Variants in ZFHX3 observed in about 807,000 individuals in gnomAD.
ZFHX3 encodes zinc finger homeobox protein 3.
A neutral mutation model predicts 279.1 loss-of-function variants in ZFHX3; 42 were observed. That is an observed-to-expected ratio of 0.15 (90% CI 0.12 to 0.19). ZFHX3 has a LOEUF of 0.19. ZFHX3 is among the 10% of genes least tolerant of loss of function. The probability of loss-of-function intolerance (pLI) is 1.00; values close to 1 mark genes in which losing one functional copy is unlikely to be tolerated. For synonymous variants in ZFHX3, 2,293 were observed against 1,957.8 expected (o/e 1.17, Z -4.52); for missense variants, 4,981 against 4,754.0 (o/e 1.05, Z -1.40).
intron 4 of ZFHX3, among the ~76,000 whole-genome samples, chr16:72,831,274 A>G (rs912439115): frequency 6.6e-6 from 1 of 152,212 alleles, no homozygotes; most frequent in East Asian, 1.9e-4. Context: ...ATGGAGGTCC[A>G]AGGTCTGGAA....
At chr16:72,898,630 C>T (rs1260926005) in intron 3 of ZFHX3, among the ~76,000 whole-genome samples, 2 of 151,926 alleles carry the variant, frequency 1.3e-5, no homozygotes, top group African/African-American at 4.8e-5. Context: ...ACAGATTTCA[C>T]TTCCCTCTGC....
intron 3 of ZFHX3, among the ~76,000 whole-genome samples, chr16:73,363,344 G>A (rs1272112546): frequency 6.6e-6 from 1 of 152,206 alleles, no homozygotes; most frequent in South Asian, 2.1e-4. Flanking sequence ...TAACTGTTAC[G>A]TATTTTAAAA....
intron 3 of ZFHX3, among the ~76,000 whole-genome samples, chr16:73,345,743 T>C (rs2016111964): frequency 6.6e-6 from 1 of 152,188 alleles, no homozygotes; most frequent in African/African-American, 2.4e-5. Flanking sequence ...TATATTCCTT[T>C]GGGTATATAC....
chr16:72,885,511 G>T (rs2038602118), intron 4 of ZFHX3, among the ~76,000 whole-genome samples: 1 of 152,228 alleles, frequency 6.6e-6, no homozygotes, highest in Non-Finnish European at 1.5e-5. Flanking sequence ...TGGCAAACAA[G>T]TGACTTAAGT....
chr16:73,163,484 G>A (rs917057823), intron 5 of ZFHX3, among the ~76,000 whole-genome samples: 2 of 152,180 alleles, frequency 1.3e-5, no homozygotes, highest in Admixed American at 1.3e-4. Flanking sequence ...TATTCTCTAT[G>A]ATGCTTCTGT....
intron 4 of ZFHX3, among the ~76,000 whole-genome samples, chr16:73,280,911 G>A (rs1268225885): frequency 6.6e-6 from 1 of 151,790 alleles, no homozygotes; most frequent in Non-Finnish European, 1.5e-5. Context: ...TTTGAACCTG[G>A]GAGGTAGAGG....
intron 3 of ZFHX3, among the ~76,000 whole-genome samples, chr16:72,943,597 A>T (rs764044717): frequency 2.0e-5 from 3 of 152,242 alleles, no homozygotes; most frequent in Non-Finnish European, 4.4e-5. Context: ...ACATTAGAAC[A>T]ATGAAAAGGG....
At chr16:72,813,935 G>A (rs142947440) in intron 5 of ZFHX3, among the ~76,000 whole-genome samples, 1 of 152,228 alleles carries the variant, frequency 6.6e-6, no homozygotes, top group Non-Finnish European at 1.5e-5. Context: ...TACATTTGGA[G>A]TCCTTAATTA....
intron 5 of ZFHX3, among the ~76,000 whole-genome samples, chr16:73,157,997 T>A (rs1967135847): frequency 6.6e-6 from 1 of 151,722 alleles, no homozygotes; most frequent in Non-Finnish European, 1.5e-5. Flanking sequence ...ATGGAAACCA[T>A]GTTTGGATCC....
intron 5 of ZFHX3, among the ~76,000 whole-genome samples, chr16:73,238,517 G>A (rs969587739): frequency 2.6e-5 from 4 of 151,268 alleles, no homozygotes; most frequent in Non-Finnish European, 5.9e-5. Context: ...TATTCCTATC[G>A]CTCTTCTCTT....
chr16:73,279,949 G>C (rs1311727540), intron 4 of ZFHX3, among the ~76,000 whole-genome samples: 1 of 152,182 alleles, frequency 6.6e-6, no homozygotes, highest in Non-Finnish European at 1.5e-5. Flanking sequence ...AGAATAGAGA[G>C]CCCAGAAATA....
chr16:73,094,062 C>T (rs886174502), intron 7 of ZFHX3, among the ~76,000 whole-genome samples: 2 of 151,846 alleles, frequency 1.3e-5, no homozygotes, highest in East Asian at 1.9e-4. Context: ...TGAGTGTGGA[C>T]CCCCCCAACC....
intron 1 of ZFHX3, among the ~76,000 whole-genome samples, chr16:73,039,118 A>T (rs560012569): frequency 0.079 from 6,016 of 76,630 alleles, 404 homozygotes; most frequent in African/African-American, 0.2. Flanking sequence ...CTAGCTAATT[A>T]AAAAAAAAAA....
At chr16:73,837,994 T>C (rs1961189227) in intron 1 of ZFHX3, among the ~76,000 whole-genome samples, 1 of 152,222 alleles carries the variant, frequency 6.6e-6, no homozygotes, top group Admixed American at 6.5e-5. Flanking sequence ...GGATAGAAGA[T>C]TGTCCATAAA....
chr16:72,972,823 C>T (rs1962165917), intron 1 of ZFHX3, among the ~76,000 whole-genome samples: 1 of 152,154 alleles, frequency 6.6e-6, no homozygotes, highest in East Asian at 1.9e-4. Flanking sequence ...CCACCTCTGT[C>T]ATCTCTACAT....
rs549224249 is a variant in ZFHX3 at position 73,019,365 on chromosome 16, T to C, written c.-50+28387A>G. Reference sequence around the variant, plus strand: ...GTGCGTGTGTGTGTGTGTGTGTGTGTGTGCGTGTGCGTGTGCGTGTCTGCA... The same window carrying C: ...GTGCGTGTGTGTGTGTGTGTGTGTGCGTGCGTGTGCGTGTGCGTGTCTGCA... On this transcript the variant is annotated intron_variant, in intron 1 of 9. Coordinates refer to ENST00000268489, the MANE Select transcript of ZFHX3 (RefSeq NM_006885.4). Among the ~76,000 whole-genome samples, 118 of 144,686 alleles carry C rather than the reference T, an allele frequency of 8.2e-4. 1 individual carries two copies. The East Asian group carries it at 0.015, about 18-fold the overall frequency. 94.9% of individuals were successfully genotyped at this position (144,686 alleles called of 152,430 possible).
chr16:73,252,007 A>G (rs2013523221), intron 5 of ZFHX3, among the ~76,000 whole-genome samples: 1 of 123,154 alleles, frequency 8.1e-6, no homozygotes, highest in East Asian at 2.2e-4. Context: ...AAACACACAC[A>G]CCTCTTTATG....
chr16:73,069,930 A>C (rs368047395), intron 8 of ZFHX3, among the ~76,000 whole-genome samples: 79 of 152,274 alleles, frequency 5.2e-4, no homozygotes, highest in African/African-American at 1.8e-3. Context: ...AGATCCATAC[A>C]CTTCTTCCTC....
intron 2 of ZFHX3, among the ~76,000 whole-genome samples, chr16:73,656,298 T>C (rs774175243): frequency 6.6e-6 from 1 of 152,208 alleles, no homozygotes; most frequent in African/African-American, 2.4e-5. Context: ...CTTAAATGAA[T>C]CTTGCAAGCA....
Sources: gnomAD v4.1 joint callset for allele counts (sites outside exome capture counted in the v4.1 genomes callset) on GRCh38, gnomAD v4.1.1 for gene constraint, MANE v1.5 for transcripts, NCBI Gene and HGNC (gene_info 2026-07-23, HGNC 2026-07-21) for gene names.